Variants in RBFOX1 observed in about 807,000 individuals in gnomAD.
RBFOX1 encodes the protein RNA binding protein fox-1 homolog 1.
RBFOX1 carries 8 observed loss-of-function variants against 57.7 expected under a neutral mutation model. The observed-to-expected ratio is 0.14, with a 90% CI of 0.08 to 0.25. The LOEUF (loss-of-function observed/expected upper bound fraction) is 0.25, where lower values mean the gene tolerates loss of function less well. Ranked by LOEUF, RBFOX1 falls within the 10% of genes least tolerant of loss-of-function variation. The pLI is 1.00. For missense variants in RBFOX1, 611 were observed against 548.5 expected (o/e 1.11, Z -1.14); for synonymous variants, 326 against 222.4 (o/e 1.47, Z -4.15).
At chr16:5,877,788 G>C (rs1431824402) in intron 4 of RBFOX1, among the ~76,000 whole-genome samples, 1 of 152,218 alleles carries the variant, frequency 6.6e-6, no homozygotes, top group Non-Finnish European at 1.5e-5. Context: ...GAAATGTTTA[G>C]AAATAGGGTG....
chr16:5,258,285 A>G (rs772168489), intron 1 of RBFOX1, among the ~76,000 whole-genome samples: 2 of 152,192 alleles, frequency 1.3e-5, no homozygotes, highest in African/African-American at 4.8e-5. Context: ...TATAAAAACT[A>G]TTAACGTTTG....
Position 6,290,192 on chromosome 16 carries a change from T to A in RBFOX1, c.-126-26803T>A, listed in dbSNP as rs571411928. On this transcript the variant is annotated intron_variant, in intron 1 of 15. Coordinates refer to ENST00000550418, the MANE Select transcript of RBFOX1 (RefSeq NM_018723.4). ...TGAAAGTGAGCATTAGTTACTTGTA[T>A]AATAAGCACCAAAATAGATTGTTGT... is the stretch of plus-strand genomic sequence containing the variant. 2.2e-5 allele frequency among the ~76,000 whole-genome samples: 3 copies of A among 139,178 alleles called. No homozygotes were observed. The East Asian group carries it at 5.9e-4, about 27-fold the overall frequency. 91.3% of individuals were successfully genotyped at this position (139,178 alleles called of 152,430 possible). A position where few individuals can be genotyped will look rare whatever the true frequency, so the allele number is the denominator to read the frequency against.
intron 4 of RBFOX1, among the ~76,000 whole-genome samples, chr16:7,372,127 C>G (rs2097577363): frequency 6.6e-6 from 1 of 152,140 alleles, no homozygotes; most frequent in Non-Finnish European, 1.5e-5. Flanking sequence ...TGTCTCATAA[C>G]TTCCATTTAA....
At chr16:5,496,335 G>T (rs1179986971) in intron 2 of RBFOX1, among the ~76,000 whole-genome samples, 1 of 152,082 alleles carries the variant, frequency 6.6e-6, no homozygotes, top group Non-Finnish European at 1.5e-5. Flanking sequence ...GGTCCCACTG[G>T]CATTTGGGGA....
At chr16:6,266,028 A>G (rs1296882331) in intron 1 of RBFOX1, among the ~76,000 whole-genome samples, 1 of 152,148 alleles carries the variant, frequency 6.6e-6, no homozygotes, top group Non-Finnish European at 1.5e-5. Flanking sequence ...GAGGATTTTT[A>G]CATCCCCATC....
At chr16:6,309,065 A>T (rs2079906658) in intron 1 of RBFOX1, among the ~76,000 whole-genome samples, 1 of 152,044 alleles carries the variant, frequency 6.6e-6, no homozygotes, top group Non-Finnish European at 1.5e-5. Flanking sequence ...GATTGAAATA[A>T]TCAGGTCTCA....
chr16:6,992,869 C>G (rs998123252), intron 3 of RBFOX1, among the ~76,000 whole-genome samples: 2 of 148,918 alleles, frequency 1.3e-5, no homozygotes, highest in African/African-American at 2.5e-5. Flanking sequence ...TGTGATACTT[C>G]AATATATTCA....
At chr16:6,646,474 G>A (rs969893199) in intron 2 of RBFOX1, among the ~76,000 whole-genome samples, 12 of 152,100 alleles carry the variant, frequency 7.9e-5, no homozygotes, top group Admixed American at 6.6e-4. Context: ...TGTCGCTTGC[G>A]TGGGTCCTCG....
At chr16:6,536,530 A>G (rs1463564785) in intron 2 of RBFOX1, among the ~76,000 whole-genome samples, 1 of 150,644 alleles carries the variant, frequency 6.6e-6, no homozygotes, top group Non-Finnish European at 1.5e-5. Flanking sequence ...TAGCTCTGTC[A>G]CAAAAGGACG....
intron 1 of RBFOX1, among the ~76,000 whole-genome samples, chr16:6,265,659 TGTGC>T (rs1363377642): frequency 6.6e-6 from 1 of 152,218 alleles, no homozygotes; most frequent in Non-Finnish European, 1.5e-5. Context: ...GTGCAGGATA[TGTGC>T]GTCAACCACC....
intron 3 of RBFOX1, among the ~76,000 whole-genome samples, chr16:7,047,642 T>C (rs2048423926): frequency 6.6e-6 from 1 of 151,480 alleles, no homozygotes; most frequent in South Asian, 2.1e-4. Flanking sequence ...GTGAACTCTT[T>C]ATCCTTATAT....
intron 2 of RBFOX1, among the ~76,000 whole-genome samples, chr16:6,445,150 C>T (rs2094459014): frequency 6.6e-6 from 1 of 152,096 alleles, no homozygotes; most frequent in South Asian, 2.1e-4. Flanking sequence ...TGGGAGGATG[C>T]AAGTGGATCA....
Position 7,099,094 on chromosome 16 carries a change from T to A in RBFOX1, c.27+46996T>A, listed in dbSNP as rs182397455. Among the ~76,000 whole-genome samples, 5 of 152,336 alleles carry A rather than the reference T, an allele frequency of 3.3e-5. No individual in the cohort carries two copies. The East Asian group carries it at 9.6e-4, about 29-fold the overall frequency. The stretch of plus-strand genomic sequence containing the variant: ...CTCAAACAGTTATGGTGAAAGTTTA[T>A]ATTGCAAAAATAGTACTTAGAATCA... On this transcript the variant is annotated intron_variant, in intron 4 of 15. Coordinates refer to ENST00000550418, the MANE Select transcript of RBFOX1 (RefSeq NM_018723.4).
intron 1 of RBFOX1, among the ~76,000 whole-genome samples, chr16:5,404,165 T>G: frequency 6.6e-6 from 1 of 151,274 alleles, no homozygotes; most frequent in African/African-American, 2.4e-5. Flanking sequence ...GATATGGGGG[T>G]GGATGGTGAG....
chr16:5,944,222 C>T (rs536632012), intron 4 of RBFOX1, among the ~76,000 whole-genome samples: 30 of 152,174 alleles, frequency 2.0e-4, no homozygotes, highest in Admixed American at 6.5e-4. Context: ...AAGGAAAGAA[C>T]GAGATACATG....
chr16:5,518,910 G>A (rs2043903776), intron 2 of RBFOX1, among the ~76,000 whole-genome samples: 1 of 152,122 alleles, frequency 6.6e-6, no homozygotes, highest in Admixed American at 6.5e-5. Context: ...TAACCCCTGG[G>A]GGCATCAGAA....
chr16:6,386,334 A>G (rs2092279149), intron 2 of RBFOX1, among the ~76,000 whole-genome samples: 3 of 151,922 alleles, frequency 2.0e-5, no homozygotes, highest in Admixed American at 6.6e-5. Context: ...CGTAAAGGTC[A>G]TGTTTACATT....
At chr16:7,474,264 G>C (rs530090978) in intron 4 of RBFOX1, among the ~76,000 whole-genome samples, 13 of 152,264 alleles carry the variant, frequency 8.5e-5, no homozygotes, top group African/African-American at 2.6e-4. Context: ...TCCAGCCTGG[G>C]TGACAGGGCG....
intron 5 of RBFOX1, among the ~76,000 whole-genome samples, chr16:7,535,761 C>T (rs192371041): frequency 1.3e-5 from 2 of 152,336 alleles, no homozygotes; most frequent in African/African-American, 2.4e-5. Context: ...AACAATTTTA[C>T]AACCACTTAA....
Sources: allele counts gnomAD v4.1 joint callset (sites outside exome capture counted in the v4.1 genomes callset), GRCh38; gene constraint gnomAD v4.1.1; transcripts MANE v1.5; gene names NCBI Gene and HGNC (gene_info 2026-07-23, HGNC 2026-07-21).